BMP5: variants seen among roughly 807,000 people sequenced by gnomAD.
BMP5 encodes the protein bone morphogenetic protein 5.
A neutral mutation model predicts 46.6 loss-of-function variants in BMP5; 23 were observed. The ratio of observed to expected loss-of-function variants is 0.49; its 90% CI spans 0.35 to 0.70. The LOEUF (loss-of-function observed/expected upper bound fraction) is 0.70. Among genes scored for constraint, BMP5 ranks in the 30% least tolerant of loss-of-function variants. The probability of loss-of-function intolerance (pLI) is 0.00; values close to 1 mark genes in which losing one functional copy is unlikely to be tolerated. For missense variants in BMP5, 545 were observed against 565.6 expected, an observed-to-expected ratio of 0.96 and a Z score of 0.37; for synonymous variants, 204 against 191.9, an observed-to-expected ratio of 1.06 and a Z score of -0.52.
intron 1 of BMP5, among the ~76,000 whole-genome samples, chr6:55,843,604 AAGC>A (rs1392247161): frequency 6.6e-6 from 1 of 152,108 alleles, no homozygotes; most frequent in Non-Finnish European, 1.5e-5. Context: ...AATAGAAAAA[AAGC>A]AACTATAGAT....
At chr6:55,873,083 G>A (rs1368798203) in intron 1 of BMP5, among the ~76,000 whole-genome samples, 4 of 151,818 alleles carry the variant, frequency 2.6e-5, no homozygotes, top group Middle Eastern at 3.4e-3. Flanking sequence ...AACATAAAAC[G>A]TACGATTTAT....
At chr6:55,869,249 T>C (rs1456557360) in intron 1 of BMP5, among the ~76,000 whole-genome samples, 1 of 152,138 alleles carries the variant, frequency 6.6e-6, no homozygotes, top group African/African-American at 2.4e-5. Flanking sequence ...GCTGATGTGG[T>C]TGGGGATGTT....
In BMP5 at chr6:55,794,262, T is replaced by C. The variant is rs778998678; in HGVS notation, c.832+17A>G. Reference sequence around the variant, plus strand: ...CAAACAAGCTTCACAAAAAAATATATAAAATTCAGTGCTTACCATCCCCTG... The same window carrying C: ...CAAACAAGCTTCACAAAAAAATATACAAAATTCAGTGCTTACCATCCCCTG... On this transcript the variant is annotated intron_variant, in intron 3 of 6. Transcript: ENST00000370830. The C allele has an allele frequency of 6.2e-7, 1 of 1,613,560 alleles. No individual in the cohort carries two copies. The highest frequency in any genetic ancestry group is 1.7e-5 in the Admixed American group (1 of 59,966).
intron 1 of BMP5, among the ~76,000 whole-genome samples, chr6:55,863,263 AT>A (rs1280563384): frequency 1.3e-5 from 2 of 152,224 alleles, no homozygotes; most frequent in Non-Finnish European, 2.9e-5. Flanking sequence ...CTTTTAAAAA[AT>A]ATAAGCCATT....
chr6:55,874,024 C>A (rs1285948117), intron 1 of BMP5, among the ~76,000 whole-genome samples: 1 of 151,900 alleles, frequency 6.6e-6, no homozygotes, highest in Non-Finnish European at 1.5e-5. Context: ...CTTTTACTTT[C>A]CCATCTGTAA....
intron 4 of BMP5, among the ~76,000 whole-genome samples, chr6:55,772,182 T>C (rs1046044426): frequency 3.3e-5 from 5 of 151,988 alleles, no homozygotes; most frequent in African/African-American, 7.2e-5. Flanking sequence ...TAGAATAATT[T>C]TGTACTCTAA....
intron 1 of BMP5, among the ~76,000 whole-genome samples, chr6:55,868,546 TAAAGACCTTTCTTACTA>T (rs1777703371): frequency 6.6e-6 from 1 of 150,494 alleles, no homozygotes; most frequent in Non-Finnish European, 1.5e-5. Flanking sequence ...CCCAAACCAC[TAAAGACCTTTCTTACTA>T]ATCTACAAAT....
intron 2 of BMP5, among the ~76,000 whole-genome samples, chr6:55,799,007 A>C (rs549862063): frequency 1.3e-5 from 2 of 152,214 alleles, no homozygotes; most frequent in Non-Finnish European, 2.9e-5. Flanking sequence ...GAATGAGAAT[A>C]TAGAAGCTAT....
intron 2 of BMP5, among the ~76,000 whole-genome samples, chr6:55,818,918 C>T (rs911204528): frequency 2.0e-5 from 3 of 151,470 alleles, no homozygotes; most frequent in African/African-American, 7.3e-5. Flanking sequence ...GATTTAGATA[C>T]ATGAGAGATA....
At chr6:55,822,063 G>T (rs1776422140) in intron 1 of BMP5, among the ~76,000 whole-genome samples, 1 of 152,070 alleles carries the variant, frequency 6.6e-6, no homozygotes, top group Non-Finnish European at 1.5e-5. Context: ...CTACAAGGTA[G>T]GTTCTCTTAT....
intron 1 of BMP5, among the ~76,000 whole-genome samples, chr6:55,842,303 A>G (rs1005827991): frequency 6.6e-6 from 1 of 152,084 alleles, no homozygotes; most frequent in African/African-American, 2.4e-5. Context: ...TGGGACCCTA[A>G]CCGAATGTTC....
intron 1 of BMP5, among the ~76,000 whole-genome samples, chr6:55,862,875 T>G (rs1029917900): frequency 6.6e-6 from 1 of 152,198 alleles, no homozygotes; most frequent in Non-Finnish European, 1.5e-5. Flanking sequence ...TTCTGTCAAC[T>G]GGTAACAGAC....
chr6:55,819,617 T>A, intron 2 of BMP5, 38 bp downstream of exon 2: 2 of 1,530,732 alleles, frequency 1.3e-6, no homozygotes, highest in Non-Finnish European at 1.8e-6. Flanking sequence ...ATTTTACATA[T>A]ATTTGCCAGG....
intron 1 of BMP5, among the ~76,000 whole-genome samples, chr6:55,846,735 T>C (rs1777106444): frequency 6.6e-6 from 1 of 151,850 alleles, no homozygotes; most frequent in South Asian, 2.1e-4. Flanking sequence ...TCTCTTAAAT[T>C]TGAATATCTT....
At chr6:55,840,910 C>T (rs1329923737) in intron 1 of BMP5, among the ~76,000 whole-genome samples, 1 of 152,108 alleles carries the variant, frequency 6.6e-6, no homozygotes, top group Non-Finnish European at 1.5e-5. Context: ...AACCCCCAGG[C>T]CCCAGACGGG....
At chr6:55,816,030 G>T (rs995990601) in intron 2 of BMP5, among the ~76,000 whole-genome samples, 13 of 151,996 alleles carry the variant, frequency 8.6e-5, no homozygotes, top group African/African-American at 3.1e-4. Context: ...GTAAAATTCT[G>T]CAATTAAATA....
intron 2 of BMP5, among the ~76,000 whole-genome samples, chr6:55,814,255 A>G (rs1432186609): frequency 6.6e-6 from 1 of 152,102 alleles, no homozygotes; most frequent in African/African-American, 2.4e-5. Flanking sequence ...GGTGTCAGAA[A>G]ACTGTACCTA....
At chr6:55,778,249 G>T (rs1436115531) in intron 3 of BMP5, among the ~76,000 whole-genome samples, 1 of 151,946 alleles carries the variant, frequency 6.6e-6, no homozygotes, top group African/African-American at 2.4e-5. Flanking sequence ...AATGGATGGG[G>T]TGGTAATAGG....
intron 4 of BMP5, among the ~76,000 whole-genome samples, chr6:55,762,236 T>C (rs1453566648): frequency 6.6e-6 from 1 of 152,016 alleles, no homozygotes; most frequent in Non-Finnish European, 1.5e-5. Context: ...AATAAAATAT[T>C]AAAGAAATAA....
Sources: gnomAD v4.1 joint callset for allele counts (sites outside exome capture counted in the v4.1 genomes callset) on GRCh38, gnomAD v4.1.1 for gene constraint, MANE v1.5 for transcripts, NCBI Gene and HGNC (gene_info 2026-07-23, HGNC 2026-07-21) for gene names.